Variants in LRRTM4 observed in about 807,000 individuals in gnomAD.
LRRTM4 encodes the protein leucine-rich repeat transmembrane neuronal protein 4.
LRRTM4 carries 25 observed loss-of-function variants against 47.6 expected under a neutral mutation model. The observed-to-expected ratio is 0.53, with a 90% CI of 0.38 to 0.73. The LOEUF (loss-of-function observed/expected upper bound fraction) is 0.73. Ranked by LOEUF, LRRTM4 falls within the 30% of genes least tolerant of loss-of-function variation. LRRTM4 has a pLI of 0.00. For missense variants in LRRTM4, 638 were observed against 713.4 expected (o/e 0.89, Z 1.20); for synonymous variants, 311 against 269.5 (o/e 1.15, Z -1.51).
chr2:76,944,252 T>C (rs1340552831), intron 3 of LRRTM4, among the ~76,000 whole-genome samples: 1 of 152,168 alleles, frequency 6.6e-6, no homozygotes, highest in Non-Finnish European at 1.5e-5. Flanking sequence ...CTCTCTTTTA[T>C]GCTCCTGACT....
At chr2:77,039,621 A>G (rs1350576857) in intron 3 of LRRTM4, among the ~76,000 whole-genome samples, 1 of 151,310 alleles carries the variant, frequency 6.6e-6, no homozygotes, top group African/African-American at 2.4e-5. Flanking sequence ...TACAATGATG[A>G]AAAAAGTATA....
chr2:77,521,825 C>G lies in LRRTM4; in HGVS notation c.-147-7G>C, dbSNP rs1679516368. ...GCTAGTAGCCCCATACAAACTTCCC[C>G]GAGAGGACAGGCAAAAAAAAAAAAA... is the stretch of plus-strand genomic sequence containing the variant. On this transcript the variant is annotated splice_polypyrimidine_tract_variant and splice_region_variant and intron_variant, in intron 1 of 3. Coordinates refer to ENST00000409884, the MANE Select transcript of LRRTM4 (RefSeq NM_001134745.3). The G allele has an allele frequency of 3.9e-6, 2 of 508,274 alleles. No individual in the cohort carries two copies. The highest frequency in any genetic ancestry group is 8.2e-5 in the South Asian group (2 of 24,268). The allele number at this position is 508,274 out of a possible 1,614,324, so 31.5% of individuals were successfully genotyped here.
At chr2:77,246,974 T>C (rs1399654727) in intron 3 of LRRTM4, among the ~76,000 whole-genome samples, 1 of 152,040 alleles carries the variant, frequency 6.6e-6, no homozygotes, top group African/African-American at 2.4e-5. Context: ...TATATAAATG[T>C]GTTTGCAAAA....
chr2:77,009,285 C>T (rs1677780330), intron 3 of LRRTM4: 1 of 152,110 alleles, frequency 6.6e-6, no homozygotes. Context: ...GTAAGAAATA[C>T]TATTTTCCTC....
At chr2:77,483,606 G>T (rs1020514270) in intron 3 of LRRTM4, among the ~76,000 whole-genome samples, 1 of 152,172 alleles carries the variant, frequency 6.6e-6, no homozygotes, top group Non-Finnish European at 1.5e-5. Flanking sequence ...CTCCCAAAGT[G>T]CTGGGATTAC....
chr2:76,999,195 T>C (rs1467111583), intron 3 of LRRTM4, among the ~76,000 whole-genome samples: 1 of 152,054 alleles, frequency 6.6e-6, no homozygotes, highest in Non-Finnish European at 1.5e-5. Flanking sequence ...ACATTAACAT[T>C]AACCCCAGCT....
At chr2:76,898,093 T>A (rs753240710) in intron 3 of LRRTM4, among the ~76,000 whole-genome samples, 6 of 152,142 alleles carry the variant, frequency 3.9e-5, no homozygotes, top group Admixed American at 1.3e-4. Context: ...CACAAGTGAG[T>A]GGTAAGCCAT....
intron 3 of LRRTM4, among the ~76,000 whole-genome samples, chr2:76,892,577 T>C (rs923214256): frequency 6.6e-6 from 1 of 151,616 alleles, no homozygotes; most frequent in Non-Finnish European, 1.5e-5. Context: ...AAGACAGTAA[T>C]ATGTATCAGG....
intron 3 of LRRTM4, among the ~76,000 whole-genome samples, chr2:77,406,578 G>T (rs1674196121): frequency 6.6e-6 from 1 of 151,878 alleles, no homozygotes; most frequent in African/African-American, 2.4e-5. Context: ...CACGATTATG[G>T]GTGTGAGCCA....
At chr2:77,307,095 T>C (rs1677302192) in intron 3 of LRRTM4, among the ~76,000 whole-genome samples, 1 of 151,586 alleles carries the variant, frequency 6.6e-6, no homozygotes, top group African/African-American at 2.4e-5. Flanking sequence ...AGAGACGGGG[T>C]TTCACTGTGT....
intron 3 of LRRTM4, among the ~76,000 whole-genome samples, chr2:77,190,766 G>A (rs149123333): frequency 2.2e-4 from 34 of 152,096 alleles, no homozygotes; most frequent in African/African-American, 7.7e-4. Flanking sequence ...ATTTGTAAAT[G>A]CATACAAAGC....
chr2:77,062,106 T>C (rs1353926364), intron 3 of LRRTM4, among the ~76,000 whole-genome samples: 1 of 152,174 alleles, frequency 6.6e-6, no homozygotes, highest in Non-Finnish European at 1.5e-5. Context: ...TGGTCAGTGA[T>C]GGATTGAATT....
intron 3 of LRRTM4, among the ~76,000 whole-genome samples, chr2:76,861,313 C>T (rs1054364541): frequency 3.9e-5 from 6 of 152,022 alleles, no homozygotes; most frequent in Non-Finnish European, 7.4e-5. Context: ...TAAAAGACTG[C>T]ATTATTTTTA....
intron 3 of LRRTM4, among the ~76,000 whole-genome samples, chr2:76,961,104 T>G (rs115768137): frequency 0.021 from 3,133 of 151,686 alleles, 92 homozygotes; most frequent in African/African-American, 0.067. Context: ...TTTTATTTAT[T>G]ACAACGACAG....
chr2:77,198,228 A>C (rs146990799), intron 3 of LRRTM4, among the ~76,000 whole-genome samples: 1 of 152,148 alleles, frequency 6.6e-6, no homozygotes, highest in East Asian at 1.9e-4. Context: ...GCCTCTGAAG[A>C]ATCCTGCAAA....
At chr2:77,163,318 G>A (rs1249918142) in intron 3 of LRRTM4, among the ~76,000 whole-genome samples, 1 of 152,158 alleles carries the variant, frequency 6.6e-6, no homozygotes, top group East Asian at 1.9e-4. Flanking sequence ...CAAGAAATAT[G>A]GGACTATGTG....
chr2:77,143,687 A>G (rs1281485422), intron 3 of LRRTM4, among the ~76,000 whole-genome samples: 2 of 152,228 alleles, frequency 1.3e-5, no homozygotes, highest in East Asian at 3.9e-4. Flanking sequence ...ATGCATATGA[A>G]GAGCCTAGAT....
intron 3 of LRRTM4, among the ~76,000 whole-genome samples, chr2:77,447,803 G>A (rs576435700): frequency 6.6e-6 from 1 of 152,198 alleles, no homozygotes; most frequent in South Asian, 2.1e-4. Context: ...AACACATATG[G>A]CATGTTATAG....
intron 3 of LRRTM4, among the ~76,000 whole-genome samples, chr2:77,073,150 C>T (rs1680217111): frequency 1.3e-5 from 2 of 151,818 alleles, no homozygotes; most frequent in African/African-American, 2.4e-5. Context: ...GAGGCAAACA[C>T]TATTAAATAT....
Sources: allele counts gnomAD v4.1 joint callset (sites outside exome capture counted in the v4.1 genomes callset), GRCh38; gene constraint gnomAD v4.1.1; transcripts MANE v1.5; gene names NCBI Gene and HGNC (gene_info 2026-07-23, HGNC 2026-07-21).